Variants in ZNF443 observed in about 807,000 individuals in gnomAD.
The protein encoded by ZNF443 is Kruppel-type zinc finger (C2H2).
A neutral mutation model predicts 12.0 loss-of-function variants in ZNF443; 3 were observed. The observed-to-expected ratio is 0.25, with a 90% CI of 0.11 to 0.64. The LOEUF is 0.64. Ranked by LOEUF, ZNF443 falls within the 30% of genes least tolerant of loss-of-function variation. ZNF443 has a pLI of 0.84. For synonymous variants in ZNF443, 225 were observed against 265.9 expected, an observed-to-expected ratio of 0.85 and a Z score of 1.50; for missense variants, 770 against 808.8, an observed-to-expected ratio of 0.95 and a Z score of 0.58.
chr19:12,437,602 CT>C (rs771918563), intron 1 of ZNF443, among the ~76,000 whole-genome samples: 34 of 151,964 alleles, frequency 2.2e-4, no homozygotes, highest in Admixed American at 1.0e-3. Flanking sequence ...TCAATAACCA[CT>C]TTAAATGTGT....
At chr19:12,435,664 A>C (rs1277453104) in intron 1 of ZNF443, among the ~76,000 whole-genome samples, 2 of 151,962 alleles carry the variant, frequency 1.3e-5, no homozygotes, top group African/African-American at 2.4e-5. Context: ...GGGATGCCCC[A>C]GGCACAGAGC....
chr19:12,438,281 G>A (rs948576647), intron 1 of ZNF443, among the ~76,000 whole-genome samples: 22 of 152,300 alleles, frequency 1.4e-4, no homozygotes, highest in African/African-American at 4.6e-4. Flanking sequence ...CGGGTGGGAA[G>A]GAAATTGTAA....
rs1249532469 is a variant in ZNF443, at chr19:12,431,145, C to T, written c.1027G>A (p.Gly343Arg). ...CTTCCCAGATGATGAAACGCTTTCC[C>T]ACATTGCTGACATGCATAGGGTTTC... ...AEKPYACQQC[G>R]KAFHHLGSFQ... Residue 343 changes from glycine to arginine, a missense_variant, in exon 4 of 4, where the codon GGG becomes AGG. Gly to Arg is a moderately radical substitution (Grantham distance 125). Coordinates refer to ENST00000301547, the MANE Select transcript of ZNF443 (RefSeq NM_005815.5). 6.2e-7 allele frequency: 1 copy of T among 1,614,076 alleles called. No homozygotes were observed. Among genetic ancestry groups the T allele is most frequent in the East Asian group, 2.2e-5 (1 of 44,884 alleles).
chr19:12,440,798 G>A (rs1007305039), intron 1 of ZNF443, 114 bp downstream of exon 1: 6 of 1,564,766 alleles, frequency 3.8e-6, no homozygotes, highest in African/African-American at 1.3e-5. Context: ...AGGGGGACCC[G>A]GGTCCGTAGA....
At chr19:12,437,402 T>G (rs1491003190) in intron 1 of ZNF443, among the ~76,000 whole-genome samples, 3 of 111,650 alleles carry the variant, frequency 2.7e-5, no homozygotes, top group African/African-American at 7.8e-5. Context: ...AGCAAGAACC[T>G]GTCTCAAAAA....
chr19:12,437,407 CAA>C (rs565623288), intron 1 of ZNF443, among the ~76,000 whole-genome samples: 3 of 75,314 alleles, frequency 4.0e-5, no homozygotes, highest in Non-Finnish European at 2.5e-5. Flanking sequence ...GAACCTGTCT[CAA>C]AAAAAAAAAA....
In ZNF443 at chr19:12,433,310, G is replaced by C. The variant is rs969833296; in HGVS notation, c.4-113C>G. On this transcript the variant is annotated intron_variant, in intron 1 of 3. Transcript: ENST00000301547. ...GTGGTTTCCAACCATTTTATTCAAT[G>C]ACATGGTAAACCCACTCTTATTCTC... is the stretch of plus-strand genomic sequence containing the variant. 2.8e-6 allele frequency: 4 copies of C among 1,442,276 alleles called. No homozygotes were observed. The African/African-American group carries it at 5.7e-5, about 21-fold the overall frequency. 89.3% of individuals were successfully genotyped at this position (1,442,276 alleles called of 1,614,324 possible). A position where few individuals can be genotyped will look rare whatever the true frequency, so the allele number is the denominator to read the frequency against.
intron 1 of ZNF443, among the ~76,000 whole-genome samples, chr19:12,433,628 G>T (rs1002653348): frequency 9.2e-5 from 14 of 152,104 alleles, no homozygotes; most frequent in Non-Finnish European, 1.6e-4. Flanking sequence ...GTGTATTTAG[G>T]GGAGGGCCCC....
chr19:12,435,174 C>T (rs1428713417), intron 1 of ZNF443, among the ~76,000 whole-genome samples: 1 of 152,110 alleles, frequency 6.6e-6, no homozygotes, highest in African/African-American at 2.4e-5. Flanking sequence ...CGGGGTTTCA[C>T]CCTGTTGGCC....
rs372751078 is a variant in ZNF443 at position 12,430,431 on chromosome 19, T to C, written c.1741A>G (p.Ile581Val). The C allele has an allele frequency of 6.4e-7, 1 of 1,574,354 alleles. No individual in the cohort carries two copies. Among genetic ancestry groups the C allele is most frequent in the Non-Finnish European group, 8.6e-7 (1 of 1,159,332 alleles). Reference protein sequence around the residue: ...WLTCFLRHERIHMREKSYECP... With the variant: ...WLTCFLRHERVHMREKSYECP... ...TCATAGGATTTCTCTCTCATGTGAA[T>C]TCTTTCATGTCGTAGAAAGCAAGTG... The change falls in exon 4 of 4, where the codon ATT (isoleucine) becomes GTT (valine). Residue 581 changes from isoleucine (I) to valine (V), a missense_variant. This residue lies in a region of ZNF443 where 736 missense variants were observed against 689.4 expected (regional missense o/e 1.07). Transcript: ENST00000301547.
intron 3 of ZNF443, 56 bp from the exon 4 acceptor site, chr19:12,432,036 T>C (rs1970261942): frequency 6.9e-6 from 9 of 1,310,472 alleles, no homozygotes; most frequent in African/African-American, 3.0e-5. Context: ...ATTGTATAGG[T>C]ATTAATAAGT....
rs1225484346 is a variant in ZNF443 at position 12,430,951 on chromosome 19, G to C, written c.1221C>G (p.Ser407Arg). ...TGTGCATTATCATATGACTTCGAAAGCTTGAGCGATGAGATAATGCTTTCC... is the reference window on the plus strand; with the variant it reads ...TGTGCATTATCATATGACTTCGAAACCTTGAGCGATGAGATAATGCTTTCC... ...QCGKALSHRS[S>R]FRSHMIMHTG... Residue 407 changes from serine (S) to arginine (R), a missense_variant, in exon 4 of 4, where the codon AGC (serine) becomes AGG (arginine). By Grantham distance (110) the Ser-to-Arg change is moderately radical. Around this residue, in one of 3 missense-constraint regions of ZNF443, gnomAD observed 736 missense variants for 689.4 expected, o/e 1.07. Transcript: ENST00000301547. The C allele has an allele frequency of 3.1e-6, 5 of 1,613,610 alleles. No individual in the cohort carries two copies. Among genetic ancestry groups the C allele is most frequent in the Admixed American group, 1.7e-5 (1 of 59,970 alleles).
rs1970236929 is a variant in ZNF443 at position 12,430,472 on chromosome 19, T to C, written c.1700A>G (p.Lys567Arg). The C allele has an allele frequency of 1.9e-6, 3 of 1,613,968 alleles. No individual in the cohort carries two copies. The highest frequency in any genetic ancestry group is 2.5e-6 in the Non-Finnish European group (3 of 1,179,972). The change falls in exon 4 of 4, where the codon AAA becomes AGA. Residue 567 changes from lysine (K) to arginine (R), a missense_variant. Lys to Arg is a conservative substitution (Grantham distance 26). This residue lies in a region of ZNF443 where 736 missense variants were observed against 689.4 expected (regional missense o/e 1.07). Coordinates refer to ENST00000301547, the MANE Select transcript of ZNF443 (RefSeq NM_005815.5). ...AAAGCAAGTGAGCCAAGAGAATGCT[T>C]TCCCACATTCCTTACATTCATACGG... ...EKPYECKECG[K>R]AFSWLTCFLR...
rs137870114 is a variant in ZNF443 at position 12,431,222 on chromosome 19, G to C, written c.950C>G (p.Ala317Gly). Residue 317 changes from alanine (A) to glycine (G), a missense_variant, in exon 4 of 4, where the codon GCC (alanine) becomes GGC (glycine). Physicochemically the swap from Ala to Gly is moderately conservative, Grantham distance 60 (BLOSUM62 0). Around this residue, in one of 3 missense-constraint regions of ZNF443, gnomAD observed 736 missense variants for 689.4 expected, o/e 1.07. Transcript: ENST00000301547. ...TTGAAGGGAACCGGAAACACTGAAG[G>C]CTTTCCCACATTGTTTACATGTATA... The part of the protein sequence containing the change: ...KPYTCKQCGK[A>G]FSVSGSLQRH... 7 of 1,613,906 alleles carry C rather than the reference G, an allele frequency of 4.3e-6. No homozygotes were observed. Among genetic ancestry groups the C allele is most frequent in the African/African-American group, 2.7e-5 (2 of 74,884 alleles).
Position 12,430,767 on chromosome 19 carries a change from T to A in ZNF443, c.1405A>T (p.Thr469Ser). The A allele has an allele frequency of 6.2e-7, 1 of 1,613,596 alleles. No homozygotes were observed. Among genetic ancestry groups the A allele is most frequent in the Non-Finnish European group, 8.5e-7 (1 of 1,179,608 alleles). Residue 469 changes from threonine to serine, a missense_variant, in exon 4 of 4, where the codon ACA becomes TCA. Thr to Ser is a moderately conservative substitution (Grantham distance 58, BLOSUM62 1). Transcript: ENST00000301547. ...TAGGGTTTCTCTCCAGTATGAGTTG[T>A]TTCATGCCTTCGAAGGGAACTGGAA... is the stretch of plus-strand genomic sequence containing the variant. ...RISSSLRRHE[T>S]THTGEKPYKC... is the part of the protein sequence containing the mutation.
Position 12,431,832 on chromosome 19 carries a change from C to A in ZNF443, c.340G>T (p.Gly114Cys), listed in dbSNP as rs199587788. Residue 114 changes from glycine (G) to cysteine (C), a missense_variant, in exon 4 of 4, where the codon GGT becomes TGT. This residue lies in a region of ZNF443 where 736 missense variants were observed against 689.4 expected (regional missense o/e 1.07). Transcript: ENST00000301547. ...ESSMRGEKVM[G>C]HSSLNCYIRV... is the part of the protein sequence containing the mutation. ...ATGTAACAATTAAGGGATGAATGAC[C>A]CATGACTTTTTCTCCTCTCATACTG... 1 of 1,614,072 alleles carries A rather than the reference C, an allele frequency of 6.2e-7. No homozygotes were observed. Among genetic ancestry groups the A allele is most frequent in the East Asian group, 2.2e-5 (1 of 44,874 alleles).
rs368304116 is a variant in ZNF443, at chr19:12,436,232, G to C, written c.4-3035C>G. ...GTGGTGGCTCACACCTATAATCCCAGCACTTTGGGAGGCCAAGGTGTGTGG... is the reference window on the plus strand; with the variant it reads ...GTGGTGGCTCACACCTATAATCCCACCACTTTGGGAGGCCAAGGTGTGTGG... On this transcript the variant is annotated intron_variant, in intron 1 of 3. Transcript: ENST00000301547. 3.6e-5 allele frequency among the ~76,000 whole-genome samples: 5 copies of C among 139,792 alleles called. 1 individual carries two copies. The highest frequency in any genetic ancestry group is 1.4e-4 in the African/African-American group (5 of 35,726). The allele number at this position is 139,792 out of a possible 152,430, so 91.7% of individuals were successfully genotyped here.
chr19:12,434,499 A>T (rs1970288862), intron 1 of ZNF443, among the ~76,000 whole-genome samples: 1 of 152,186 alleles, frequency 6.6e-6, no homozygotes, highest in South Asian at 2.1e-4. Context: ...ACTCAATGTC[A>T]TCTCTCATGA....
At chr19:12,439,197 C>T (rs549891322) in intron 1 of ZNF443, among the ~76,000 whole-genome samples, 1 of 152,258 alleles carries the variant, frequency 6.6e-6, no homozygotes, top group Admixed American at 6.5e-5. Context: ...CCTTTTAAGT[C>T]TGAGAGAGTC....
Sources: allele counts gnomAD v4.1 joint callset (sites outside exome capture counted in the v4.1 genomes callset), GRCh38; gene constraint gnomAD v4.1.1; regional missense constraint gnomAD v4.1.1; transcripts MANE v1.5; gene names NCBI Gene and HGNC (gene_info 2026-07-23, HGNC 2026-07-21).